PRAMEF12: variants seen among roughly 807,000 people sequenced by gnomAD.
The protein encoded by PRAMEF12 is PRAME family member 12.
In PRAMEF12, 24 loss-of-function variants were observed where a neutral mutation model predicts 24.6. The ratio of observed to expected loss-of-function variants is 0.98; its 90% CI spans 0.71 to 1.37. PRAMEF12 has a LOEUF of 1.37. Ranked by LOEUF, PRAMEF12 falls within the 40% of genes most tolerant of loss-of-function variation. The pLI is 0.00. For synonymous variants in PRAMEF12, 286 were observed against 242.6 expected, an observed-to-expected ratio of 1.18 and a Z score of -1.66; for missense variants, 646 against 580.3, an observed-to-expected ratio of 1.11 and a Z score of -1.16.
chr1:12,775,916 A>C lies in PRAMEF12; in HGVS notation c.661A>C (p.Arg221=), dbSNP rs1639044623. ...CCPWELSILI[R]FAPYLGQMRN... ...CCCGTGGGAGCTGTCCATTCTTATA[A>C]GGTTCGCCCCTTACCTGGGCCAGAT... The change falls in exon 2 of 3, where the codon AGG becomes CGG. Residue 221 remains arginine, a synonymous_variant. Coordinates refer to ENST00000357726, the MANE Select transcript of PRAMEF12 (RefSeq NM_001080830.5). 6.2e-7 allele frequency: 1 copy of C among 1,613,954 alleles called. No individual in the cohort carries two copies. Among genetic ancestry groups the C allele is most frequent in the South Asian group, 1.1e-5 (1 of 91,090 alleles).
In PRAMEF12 at chr1:12,775,134, T is replaced by C; in HGVS notation, c.267T>C (p.Leu89=). ...TGCTGGAGGGGCTTGATGCACTGCT[T>C]GCCCAGAAGGTTCGCCCCAGGTGAG... ...RAVLEGLDAL[L]AQKVRPRRWK... The change falls in exon 1 of 3, where the codon CTT becomes CTC. Residue 89 remains leucine (L), a synonymous_variant. Coordinates refer to ENST00000357726, the MANE Select transcript of PRAMEF12 (RefSeq NM_001080830.5). 6.2e-7 allele frequency: 1 copy of C among 1,612,454 alleles called. No individual in the cohort carries two copies. The highest frequency in any genetic ancestry group is 8.5e-7 in the Non-Finnish European group (1 of 1,178,992).
rs1477680594 is a variant in PRAMEF12, at chr1:12,773,855, T to C, written c.-1013T>C. The stretch of plus-strand genomic sequence containing the variant: ...TCCTTAGGGTCATGCCCATCTGATC[T>C]GCAGCCAGCCAGCCAGTCAGGGATG... On this transcript the variant is annotated 5_prime_UTR_variant, in exon 1 of 3. Coordinates refer to ENST00000357726, the MANE Select transcript of PRAMEF12 (RefSeq NM_001080830.5). Among the ~76,000 whole-genome samples the C allele has an allele frequency of 6.6e-6, 1 of 152,224 alleles. No homozygotes were observed. The highest frequency in any genetic ancestry group is 1.5e-5 in the Non-Finnish European group (1 of 68,040).
chr1:12,775,483 A>G (rs1639034904), intron 1 of PRAMEF12, 60 bp from the exon 2 acceptor site: 2 of 1,455,238 alleles, frequency 1.4e-6, no homozygotes, highest in Non-Finnish European at 1.9e-6. Flanking sequence ...GATGTCCGGG[A>G]TGTGGATAAA....
In PRAMEF12 at chr1:12,777,259, C is replaced by T. The variant is rs770007699; in HGVS notation, c.1112C>T (p.Ala371Val). The stretch of plus-strand genomic sequence containing the variant: ...TCCCAACTCAGCGCCATCCTGCCTG[C>T]CCTGAGCCGCTGCTCCCAGCTCAGC... Reference protein sequence around the residue: ...VDSQLSAILPALSRCSQLSTF... With the variant: ...VDSQLSAILPVLSRCSQLSTF... Residue 371 changes from alanine (A) to valine (V), a missense_variant, in exon 3 of 3, where the codon GCC becomes GTC. Transcript: ENST00000357726. 44 of 1,612,340 alleles carry T rather than the reference C, an allele frequency of 2.7e-5. No homozygotes were observed. The highest frequency in any genetic ancestry group is 3.4e-5 in the Non-Finnish European group (40 of 1,179,914).
At position 12,777,206 on chromosome 1, in the gene PRAMEF12, G is replaced by A. The variant is rs1639066578; in HGVS notation, c.1059G>A (p.Leu353=). 2 of 1,612,956 alleles carry A rather than the reference G, an allele frequency of 1.2e-6. No homozygotes were observed. The highest frequency in any genetic ancestry group is 1.7e-6 in the Non-Finnish European group (2 of 1,179,988). The change falls in exon 3 of 3, where the codon CTG becomes CTA. Residue 353 remains leucine (L), a synonymous_variant. Coordinates refer to ENST00000357726, the MANE Select transcript of PRAMEF12 (RefSeq NM_001080830.5). ...LEQAEATLQT[L]DLEDCGIVDS... ...AAGCTGAGGCCACCCTGCAGACCCT[G>A]GACTTAGAGGACTGTGGGATCGTGG... is the stretch of plus-strand genomic sequence containing the variant.
Position 12,775,844 on chromosome 1 carries a change from C to T in PRAMEF12, c.589C>T (p.Leu197=), listed in dbSNP as rs377634702. 3.4e-5 allele frequency: 55 copies of T among 1,613,950 alleles called. No homozygotes were observed. In the African/African-American group the frequency reaches 6.8e-4, roughly 20 times the overall value. Residue 197 remains leucine (L), a synonymous_variant, in exon 2 of 3, where the codon CTG becomes TTG. Coordinates refer to ENST00000357726, the MANE Select transcript of PRAMEF12 (RefSeq NM_001080830.5). The part of the protein sequence containing the change: ...GIAIHRIIEV[L]NTVELDCIQE... Reference sequence around the variant, plus strand: ...AGCCATCCACAGGATCATAGAGGTCCTGAACACGGTGGAGCTAGACTGTAT... The same window carrying T: ...AGCCATCCACAGGATCATAGAGGTCTTGAACACGGTGGAGCTAGACTGTAT...
rs769068220 is a variant in PRAMEF12, at chr1:12,774,913, A to C, written c.46A>C (p.Ser16Arg). Residue 16 changes from serine (S) to arginine (R), a missense_variant, in exon 1 of 3, where the codon AGT becomes CGT. Transcript: ENST00000357726. Reference protein sequence around the residue: ...PPRLLELAEQSLLRDRALAIP... With the variant: ...PPRLLELAEQRLLRDRALAIP... ...TAGACTCCTGGAGCTGGCTGAGCAGAGTCTGCTGAGAGACCGGGCCTTGGC... is the reference window on the plus strand; with the variant it reads ...TAGACTCCTGGAGCTGGCTGAGCAGCGTCTGCTGAGAGACCGGGCCTTGGC... 5 of 1,613,632 alleles carry C rather than the reference A, an allele frequency of 3.1e-6. No homozygotes were observed. Among genetic ancestry groups the C allele is most frequent in the Non-Finnish European group, 4.2e-6 (5 of 1,179,808 alleles).
At chr1:12,776,902 G>A in intron 2 of PRAMEF12, 109 bp from the exon 3 acceptor site, 1 of 1,145,106 alleles carries the variant, frequency 8.7e-7, no homozygotes. Context: ...CACCCCAGGT[G>A]CTGATTATCC....
Position 12,774,279 on chromosome 1 carries a change from GTGGGTCAT to G in PRAMEF12, c.-586_-579del, listed in dbSNP as rs1639016517. On this transcript the variant is annotated 5_prime_UTR_variant, in exon 1 of 3. Coordinates refer to ENST00000357726, the MANE Select transcript of PRAMEF12 (RefSeq NM_001080830.5). ...TTTTTCCCCTAGATTCCATCCCAAAGTGGGTCATTGTGAGTCTGTGTAAGAGATCAACA... is the reference window on the plus strand; with the variant it reads ...TTTTTCCCCTAGATTCCATCCCAAAGTGTGAGTCTGTGTAAGAGATCAACA... Among the ~76,000 whole-genome samples, 1 of 152,090 alleles carries G rather than the reference GTGGGTCAT, an allele frequency of 6.6e-6. No homozygotes were observed. Among genetic ancestry groups the G allele is most frequent in the Non-Finnish European group, 1.5e-5 (1 of 68,030 alleles).
chr1:12,776,018 G>T lies in PRAMEF12; in HGVS notation c.763G>T (p.Val255Phe). The T allele has an allele frequency of 6.2e-7, 1 of 1,614,170 alleles. No individual in the cohort carries two copies. Among genetic ancestry groups the T allele is most frequent in the Non-Finnish European group, 8.5e-7 (1 of 1,180,030 alleles). Residue 255 changes from valine to phenylalanine, a missense_variant, in exon 2 of 3, where the codon GTC (valine) becomes TTC (phenylalanine). Physicochemically the swap from Val to Phe is conservative, Grantham distance 50. Coordinates refer to ENST00000357726, the MANE Select transcript of PRAMEF12 (RefSeq NM_001080830.5). ...TCCCCTAGACAGGAAGGAGCAGTTT[G>T]TCATCCAGTTCACCTCTCAGTTCCT... Reference protein sequence around the residue: ...CIPLDRKEQFVIQFTSQFLKL... With the variant: ...CIPLDRKEQFFIQFTSQFLKL...
Position 12,774,858 on chromosome 1 carries a change from A to T in PRAMEF12, c.-10A>T, listed in dbSNP as rs1424569214. On this transcript the variant is annotated 5_prime_UTR_variant, in exon 1 of 3. Coordinates refer to ENST00000357726, the MANE Select transcript of PRAMEF12 (RefSeq NM_001080830.5). ...GTAAGAATGATGTTTTTTTCTCTAG[A>T]TTCATCAGGATGAGCCTCCAGGCCC... is the stretch of plus-strand genomic sequence containing the variant. The T allele has an allele frequency of 4.4e-6, 7 of 1,575,216 alleles. No individual in the cohort carries two copies. The Admixed American group carries it at 5.8e-5, about 13-fold the overall frequency.
rs992854330 is a variant in PRAMEF12, at chr1:12,775,685, C to T, written c.430C>T (p.Pro144Ser). 1.2e-6 allele frequency: 2 copies of T among 1,613,764 alleles called. No individual in the cohort carries two copies. The highest frequency in any genetic ancestry group is 2.7e-5 in the African/African-American group (2 of 74,814). Residue 144 changes from proline (P) to serine (S), a missense_variant, in exon 2 of 3, where the codon CCC (proline) becomes TCC (serine). By Grantham distance (74) the Pro-to-Ser change is moderately conservative. Coordinates refer to ENST00000357726, the MANE Select transcript of PRAMEF12 (RefSeq NM_001080830.5). ...CTGTCCAAGGCCGGGTGGGCAGCAG[C>T]CCTTGATGGTGATCCTAGACCTTTG... ...GNCPRPGGQQ[P>S]LMVILDLCFK... is the part of the protein sequence containing the mutation.
Position 12,775,971 on chromosome 1 carries a change from ACATC to A in PRAMEF12, c.720_723del (p.Ile240MetfsTer8), listed in dbSNP as rs776534429. 1.2e-6 allele frequency: 2 copies of A among 1,614,128 alleles called. No individual in the cohort carries two copies. Among genetic ancestry groups the A allele is most frequent in the Non-Finnish European group, 1.7e-6 (2 of 1,180,018 alleles). On this transcript the variant is annotated frameshift_variant, in exon 2 of 3. Transcript: ENST00000357726. LOFTEE classifies it high-confidence loss of function. Reference sequence around the variant, plus strand: ...AATCTCCGCAAACTTGTTCTCTTCAACATCCATGTCTCTGCCTGCATTCCCCTAG... The same window carrying A: ...AATCTCCGCAAACTTGTTCTCTTCAACATGTCTCTGCCTGCATTCCCCTAG...
At chr1:12,776,650 T>C (rs1313121916) in intron 2 of PRAMEF12, among the ~76,000 whole-genome samples, 1 of 152,154 alleles carries the variant, frequency 6.6e-6, no homozygotes, top group Non-Finnish European at 1.5e-5. Context: ...TTGCTGATGA[T>C]ACGGGCATGT....
At position 12,777,528 on chromosome 1, in the gene PRAMEF12, A is replaced by G. The variant is rs564279016; in HGVS notation, c.1381A>G (p.Ile461Val). ...FSTVPCPRCG[I>V]RASYDLEPSH... The stretch of plus-strand genomic sequence containing the variant: ...CACTGTCCCCTGCCCTCGCTGTGGC[A>G]TCAGGGCCTCCTATGACCTGGAGCC... Residue 461 changes from isoleucine to valine, a missense_variant, in exon 3 of 3, where the codon ATC becomes GTC. Coordinates refer to ENST00000357726, the MANE Select transcript of PRAMEF12 (RefSeq NM_001080830.5). 2 of 1,614,130 alleles carry G rather than the reference A, an allele frequency of 1.2e-6. No individual in the cohort carries two copies. Among genetic ancestry groups the G allele is most frequent in the South Asian group, 2.2e-5 (2 of 91,082 alleles).
rs2100277008 is a variant in PRAMEF12 at position 12,777,564 on chromosome 1, C to G, written c.1417C>G (p.Leu473Val). Residue 473 changes from leucine to valine, a missense_variant, in exon 3 of 3, where the codon CTG becomes GTG. Physicochemically the swap from Leu to Val is conservative, Grantham distance 32. Transcript: ENST00000357726. ...CTATGACCTGGAGCCCAGTCACTGTCTGTTGAATGCCTGCTGTCAGGGTGG... is the reference window on the plus strand; with the variant it reads ...CTATGACCTGGAGCCCAGTCACTGTGTGTTGAATGCCTGCTGTCAGGGTGG... The part of the protein sequence containing the change: ...ASYDLEPSHC[L>V]LNACCQGGFI 1.2e-6 allele frequency: 2 copies of G among 1,613,968 alleles called. No homozygotes were observed. Among genetic ancestry groups the G allele is most frequent in the Non-Finnish European group, 1.7e-6 (2 of 1,179,986 alleles).
In PRAMEF12 at chr1:12,773,747, C is replaced by T. The variant is rs550802607; in HGVS notation, c.-1121C>T. The stretch of plus-strand genomic sequence containing the variant: ...AAGGTGCACAGGAGAGAATCCAAGG[C>T]GCTGACACCTGGAGCTACTGCTCGG... On this transcript the variant is annotated 5_prime_UTR_variant, in exon 1 of 3. Coordinates refer to ENST00000357726, the MANE Select transcript of PRAMEF12 (RefSeq NM_001080830.5). Among the ~76,000 whole-genome samples the T allele has an allele frequency of 2.8e-4, 42 of 152,222 alleles. No homozygotes were observed. Among genetic ancestry groups the T allele is most frequent in the Non-Finnish European group, 5.1e-4 (35 of 68,030 alleles).
rs766703190 is a variant in PRAMEF12, at chr1:12,776,066, C to T, written c.811C>T (p.Leu271Phe). Residue 271 changes from leucine to phenylalanine, a missense_variant, in exon 2 of 3, where the codon CTT (leucine) becomes TTT (phenylalanine). By Grantham distance (22) the Leu-to-Phe change is conservative. Coordinates refer to ENST00000357726, the MANE Select transcript of PRAMEF12 (RefSeq NM_001080830.5). ...CCTCAAGCTGGACTACTTCCAGAAGCTTTACATGCACTCTGTCTCTTTCCT... is the reference window on the plus strand; with the variant it reads ...CCTCAAGCTGGACTACTTCCAGAAGTTTTACATGCACTCTGTCTCTTTCCT... ...QFLKLDYFQK[L>F]YMHSVSFLEG... 3.0e-5 allele frequency: 48 copies of T among 1,614,062 alleles called. No homozygotes were observed. In the Middle Eastern group the frequency reaches 4.9e-4, roughly 17 times the overall value.
At chr1:12,776,234 A>T in intron 2 of PRAMEF12, 116 bp downstream of exon 2, 1 of 1,075,448 alleles carries the variant, frequency 9.3e-7, no homozygotes, top group Non-Finnish European at 1.4e-6. Context: ...AGCGAAGGGG[A>T]CACTAGAATG....
Sources: allele counts gnomAD v4.1 joint callset (sites outside exome capture counted in the v4.1 genomes callset), GRCh38; gene constraint gnomAD v4.1.1; transcripts MANE v1.5; gene names NCBI Gene and HGNC (gene_info 2026-07-23, HGNC 2026-07-21).